Variants in MERTK observed in about 807,000 individuals in gnomAD.
MERTK encodes MER proto-oncogene, tyrosine kinase.
In MERTK, 69 loss-of-function variants were observed where a neutral mutation model predicts 99.3. That is an observed-to-expected ratio of 0.70 (90% confidence interval 0.57 to 0.85). MERTK has a LOEUF of 0.85. Ranked by LOEUF, MERTK falls within the 40% of genes least tolerant of loss-of-function variation. The probability of loss-of-function intolerance (pLI) is 0.00; values close to 1 mark genes in which losing one functional copy is unlikely to be tolerated. For synonymous variants in MERTK, 426 were observed against 467.6 expected (o/e 0.91, Z 1.15); for missense variants, 1,125 against 1,249.4 (o/e 0.90, Z 1.50).
At chr2:111,900,471 C>G (rs968630376) in intron 1 of MERTK, among the ~76,000 whole-genome samples, 1 of 151,970 alleles carries the variant, frequency 6.6e-6, no homozygotes, top group Admixed American at 6.6e-5. Flanking sequence ...GAGGACTGGC[C>G]GTGAATAGTC....
chr2:111,954,162 A>G (rs371508465), intron 4 of MERTK, among the ~76,000 whole-genome samples: 1 of 152,208 alleles, frequency 6.6e-6, no homozygotes, highest in Non-Finnish European at 1.5e-5. Context: ...TCTGAGACCC[A>G]TTGGGGCTTC....
At chr2:111,904,193 C>G (rs1480404190) in intron 1 of MERTK, among the ~76,000 whole-genome samples, 1 of 152,172 alleles carries the variant, frequency 6.6e-6, no homozygotes, top group Admixed American at 6.5e-5. Flanking sequence ...GGAGTTCAAA[C>G]TTGACATAGT....
At chr2:112,008,127 G>A (rs897371619) in intron 13 of MERTK, among the ~76,000 whole-genome samples, 2 of 152,080 alleles carry the variant, frequency 1.3e-5, no homozygotes, top group African/African-American at 4.8e-5. Flanking sequence ...TGACAAATGT[G>A]TAGTGTCATG....
At chr2:111,900,187 AG>A (rs1248914414) in intron 1 of MERTK, among the ~76,000 whole-genome samples, 1 of 152,180 alleles carries the variant, frequency 6.6e-6, no homozygotes, top group Non-Finnish European at 1.5e-5. Context: ...GTTACTTAAA[AG>A]TTTTTCCTTT....
chr2:112,021,715 T>C (rs79474468), intron 17 of MERTK, 134 bp downstream of exon 17: 7 of 599,802 alleles, frequency 1.2e-5, no homozygotes, highest in South Asian at 3.8e-5. Flanking sequence ...TCAGATCTCT[T>C]TTATATCTTA....
intron 8 of MERTK, among the ~76,000 whole-genome samples, chr2:111,984,835 C>T (rs1327955886): frequency 6.6e-6 from 1 of 152,226 alleles, no homozygotes; most frequent in African/African-American, 2.4e-5. Context: ...GCAGGCAACT[C>T]AGCAGCAGGC....
At chr2:111,968,519 T>A (rs1685404023) in intron 6 of MERTK, among the ~76,000 whole-genome samples, 2 of 151,726 alleles carry the variant, frequency 1.3e-5, no homozygotes, top group Non-Finnish European at 2.9e-5. Flanking sequence ...CAGGGAGAGT[T>A]CTTCTTCTTT....
chr2:111,903,215 A>G (rs1048860817), intron 1 of MERTK, among the ~76,000 whole-genome samples: 2 of 152,222 alleles, frequency 1.3e-5, no homozygotes, highest in Admixed American at 1.3e-4. Context: ...AGAGCACAGC[A>G]TGAAGGAACC....
intron 6 of MERTK, among the ~76,000 whole-genome samples, chr2:111,973,182 A>C (rs1477178781): frequency 1.3e-5 from 2 of 152,088 alleles, no homozygotes; most frequent in Non-Finnish European, 2.9e-5. Context: ...TTCCTCTAGG[A>C]ACGTGCTCTC....
intron 14 of MERTK, 76 bp downstream of exon 14, chr2:112,008,551 T>C (rs762896719): frequency 2.7e-6 from 3 of 1,097,268 alleles, no homozygotes; most frequent in Non-Finnish European, 4.2e-6. Flanking sequence ...AAAAAATCTC[T>C]GGTGTAGATA....
At chr2:111,939,858 G>A (rs1243842226) in intron 2 of MERTK, among the ~76,000 whole-genome samples, 1 of 151,850 alleles carries the variant, frequency 6.6e-6, no homozygotes, top group South Asian at 2.1e-4. Context: ...AGTTTCCTAA[G>A]TATCAATCAC....
At chr2:111,997,698 G>GTATC (rs1228927319) in intron 10 of MERTK, among the ~76,000 whole-genome samples, 1 of 152,226 alleles carries the variant, frequency 6.6e-6, no homozygotes, top group Non-Finnish European at 1.5e-5. Flanking sequence ...ACAGAGAAGA[G>GTATC]TATCAGTAGG....
At chr2:111,945,282 G>A (rs1684944318) in intron 3 of MERTK, among the ~76,000 whole-genome samples, 1 of 152,182 alleles carries the variant, frequency 6.6e-6, no homozygotes, top group Non-Finnish European at 1.5e-5. Context: ...CTCTATTATA[G>A]GCATTACAGG....
intron 15 of MERTK, among the ~76,000 whole-genome samples, chr2:112,012,582 G>A (rs931102283): frequency 2.6e-5 from 4 of 152,182 alleles, no homozygotes; most frequent in African/African-American, 9.7e-5. Context: ...ATCAGAAGAT[G>A]TGTTGGGAAT....
chr2:111,917,635 C>G (rs776478792), intron 1 of MERTK, among the ~76,000 whole-genome samples: 30 of 152,226 alleles, frequency 2.0e-4, no homozygotes, highest in Non-Finnish European at 7.4e-5. Context: ...GCCTGTAATC[C>G]CAGCACTTTG....
chr2:111,969,230 T>G (rs1345325258), intron 6 of MERTK, among the ~76,000 whole-genome samples: 1 of 152,186 alleles, frequency 6.6e-6, no homozygotes, highest in South Asian at 2.1e-4. Context: ...TAACACACGC[T>G]GCACTGCAGG....
chr2:111,930,665 CTTTG>C, intron 2 of MERTK, among the ~76,000 whole-genome samples: 1 of 152,200 alleles, frequency 6.6e-6, no homozygotes. Flanking sequence ...CAGTACTCCA[CTTTG>C]TTTTTTAAGA....
At chr2:111,997,732 C>T (rs754344143) in intron 10 of MERTK, among the ~76,000 whole-genome samples, 16 of 152,182 alleles carry the variant, frequency 1.1e-4, no homozygotes, top group Non-Finnish European at 1.5e-4. Flanking sequence ...AACTGGATTG[C>T]TGTTAAGTGA....
chr2:112,010,205 A>G (rs998397079), intron 15 of MERTK, 139 bp downstream of exon 15: 49 of 739,676 alleles, frequency 6.6e-5, no homozygotes, highest in Non-Finnish European at 1.2e-4. Context: ...CTGTGTGTCC[A>G]GGGTTGAAAT....
Sources: allele counts gnomAD v4.1 joint callset (sites outside exome capture counted in the v4.1 genomes callset), GRCh38; gene constraint gnomAD v4.1.1; transcripts MANE v1.5; gene names NCBI Gene and HGNC (gene_info 2026-07-23, HGNC 2026-07-21).